Variants in MARVELD2 observed in about 807,000 individuals in gnomAD.
MARVELD2 encodes the protein MARVEL domain containing 2, also known as MARVEL domain-containing protein 2.
Under a neutral mutation model 57.6 loss-of-function variants are expected in MARVELD2, and 49 were observed. That is an observed-to-expected ratio of 0.85 (90% CI 0.68 to 1.08). The LOEUF (loss-of-function observed/expected upper bound fraction) is 1.08, where lower values mean the gene tolerates loss of function less well. Ranked by LOEUF, MARVELD2 falls within the 50% of genes least tolerant of loss-of-function variation. MARVELD2 has a pLI of 0.00. For missense variants in MARVELD2, 606 were observed against 701.1 expected (o/e 0.86, Z 1.53); for synonymous variants, 238 against 258.8 (o/e 0.92, Z 0.77).
intron 3 of MARVELD2, among the ~76,000 whole-genome samples, chr5:69,426,844 T>C (rs1462477613): frequency 6.6e-6 from 1 of 151,934 alleles, no homozygotes; most frequent in Non-Finnish European, 1.5e-5. Context: ...AATTTTTAAA[T>C]AATTTTTAGT....
intron 5 of MARVELD2, among the ~76,000 whole-genome samples, chr5:69,435,413 C>T (rs1767102361): frequency 1.3e-5 from 2 of 151,984 alleles, no homozygotes; most frequent in South Asian, 4.1e-4. Context: ...CAGAGTTTTG[C>T]AATCAGCACC....
chr5:69,419,259 A>T, intron 1 of MARVELD2, 112 bp from the exon 2 acceptor site: 1 of 1,052,974 alleles, frequency 9.5e-7, no homozygotes, highest in Non-Finnish European at 1.4e-6. Flanking sequence ...CATAATAATT[A>T]GACATGATCC....
At chr5:69,424,566 C>CTA (rs1398038101) in intron 2 of MARVELD2, 35 bp from the exon 3 acceptor site, 1 of 1,576,180 alleles carries the variant, frequency 6.3e-7, no homozygotes, top group South Asian at 1.1e-5. Context: ...GCTTCACATG[C>CTA]CTTTGAAAAA....
At position 69,444,000 on chromosome 5, in the gene MARVELD2, C is replaced by A. The variant is rs1157464696; in HGVS notation, c.*2346C>A. On this transcript the variant is annotated 3_prime_UTR_variant, in exon 7 of 7. Transcript: ENST00000325631. Reference sequence around the variant, plus strand: ...GTTAACATTTCACTTAAGAAGAGCACCAGTGCTTTAAAAAAAAAAAAAGGT... The same window carrying A: ...GTTAACATTTCACTTAAGAAGAGCAACAGTGCTTTAAAAAAAAAAAAAGGT... 4.1e-4 allele frequency: 3 copies of A among 7,254 alleles called. No homozygotes were observed. The Non-Finnish European group carries it at 8.8e-3, about 21-fold the overall frequency. 0.4% of individuals were successfully genotyped at this position (7,254 alleles called of 1,614,324 possible).
chr5:69,438,586 C>T (rs1044712747), intron 5 of MARVELD2, among the ~76,000 whole-genome samples: 10 of 151,714 alleles, frequency 6.6e-5, no homozygotes, highest in African/African-American at 1.9e-4. Context: ...CATCTACACA[C>T]AAAAAAGTAA....
At chr5:69,427,513 C>G (rs550909709) in intron 3 of MARVELD2, among the ~76,000 whole-genome samples, 3 of 151,698 alleles carry the variant, frequency 2.0e-5, no homozygotes, top group Admixed American at 2.0e-4. Context: ...CTGGTTCAAG[C>G]AATTGTCCTG....
chr5:69,438,529 C>T (rs1368774439), intron 5 of MARVELD2, among the ~76,000 whole-genome samples: 1 of 152,058 alleles, frequency 6.6e-6, no homozygotes, highest in East Asian at 1.9e-4. Flanking sequence ...AGGAAGAGTG[C>T]TCAAAGCCAG....
rs1314440802 is a variant in MARVELD2, at chr5:69,419,378, A to ACATG, written c.-8_-7insCATG. 6.2e-7 allele frequency: 1 copy of ACATG among 1,614,050 alleles called. No individual in the cohort carries two copies. Among genetic ancestry groups the ACATG allele is most frequent in the Non-Finnish European group, 8.5e-7 (1 of 1,180,034 alleles). ...CTTTAAATTTGGCCACAGGTGTGAA[A>ACATG]ATCACAAATGTCAAATGATGGAAGA... On this transcript the variant is annotated 5_prime_UTR_variant, in exon 2 of 7. The change creates a new upstream start codon in the 5' untranslated region. Coordinates refer to ENST00000325631, the MANE Select transcript of MARVELD2 (RefSeq NM_001038603.3).
At chr5:69,437,906 C>T (rs1056111029) in intron 5 of MARVELD2, among the ~76,000 whole-genome samples, 3 of 152,184 alleles carry the variant, frequency 2.0e-5, no homozygotes, top group African/African-American at 7.2e-5. Context: ...TGATTTTTAA[C>T]AAGACAGGGC....
intron 5 of MARVELD2, among the ~76,000 whole-genome samples, chr5:69,439,568 A>G (rs1434497231): frequency 1.3e-5 from 2 of 151,638 alleles, no homozygotes; most frequent in East Asian, 3.9e-4. Context: ...AGCCTGGGAA[A>G]CATGGCAAAA....
Position 69,420,446 on chromosome 5 carries a change from T to A in MARVELD2, c.1061T>A (p.Val354Asp). Residue 354 changes from valine (V) to aspartate (D), a missense_variant, in exon 2 of 7, where the codon GTT becomes GAT. Val to Asp is a radical substitution (Grantham distance 152). Transcript: ENST00000325631. ...ATCTTCCTGTTTGTCACCATGATAG[T>A]TTATCTCATTAGTGCTTTGGTTTGC... ...AMIFLFVTMI[V>D]YLISALVCLK... 6.2e-7 allele frequency: 1 copy of A among 1,613,802 alleles called. No homozygotes were observed. The highest frequency in any genetic ancestry group is 8.5e-7 in the Non-Finnish European group (1 of 1,180,020).
Position 69,420,549 on chromosome 5 carries a change from C to G in MARVELD2, c.1146+18C>G. On this transcript the variant is annotated intron_variant, in intron 2 of 6. Coordinates refer to ENST00000325631, the MANE Select transcript of MARVELD2 (RefSeq NM_001038603.3). ...AACAGGAGGTAAGTGATTTCATAAT[C>G]CCTCATTTGTGTGTGTATGTTTGTT... 1 of 1,602,592 alleles carries G rather than the reference C, an allele frequency of 6.2e-7. No individual in the cohort carries two copies. The highest frequency in any genetic ancestry group is 8.5e-7 in the Non-Finnish European group (1 of 1,176,712).
At chr5:69,438,497 C>T (rs1767225545) in intron 5 of MARVELD2, among the ~76,000 whole-genome samples, 1 of 152,026 alleles carries the variant, frequency 6.6e-6, no homozygotes, top group Non-Finnish European at 1.5e-5. Flanking sequence ...GGCTGTAATC[C>T]CCACACTTTG....
chr5:69,419,023 G>A (rs528229414), intron 1 of MARVELD2: 3 of 261,034 alleles, frequency 1.1e-5, no homozygotes, highest in Non-Finnish European at 2.2e-5. Context: ...TGCCTCCCGG[G>A]TTCAAGCGGT....
chr5:69,431,690 C>A (rs1338304445), intron 3 of MARVELD2, among the ~76,000 whole-genome samples: 1 of 152,038 alleles, frequency 6.6e-6, no homozygotes, highest in Non-Finnish European at 1.5e-5. Context: ...TTACCATATC[C>A]CAAATGTGAT....
At chr5:69,429,974 C>T (rs983003503) in intron 3 of MARVELD2, among the ~76,000 whole-genome samples, 10 of 151,930 alleles carry the variant, frequency 6.6e-5, no homozygotes, top group African/African-American at 2.4e-4. Context: ...GGCATGATCA[C>T]GATTCACTAC....
chr5:69,441,781 C>T lies in MARVELD2; in HGVS notation c.*127C>T. On this transcript the variant is annotated 3_prime_UTR_variant, in exon 7 of 7. Coordinates refer to ENST00000325631, the MANE Select transcript of MARVELD2 (RefSeq NM_001038603.3). ...CACTGCAACCTCCACCTCCCGGGTTCAAGCAATTCTCCTGTTCAAGCAATT... is the reference window on the plus strand; with the variant it reads ...CACTGCAACCTCCACCTCCCGGGTTTAAGCAATTCTCCTGTTCAAGCAATT... The T allele has an allele frequency of 1.5e-6, 1 of 646,830 alleles. No individual in the cohort carries two copies. The highest frequency in any genetic ancestry group is 2.7e-6 in the Non-Finnish European group (1 of 375,484). 40.1% of individuals were successfully genotyped at this position (646,830 alleles called of 1,614,324 possible).
intron 3 of MARVELD2, among the ~76,000 whole-genome samples, chr5:69,426,793 C>T (rs1168186561): frequency 5.3e-5 from 8 of 152,170 alleles, no homozygotes; most frequent in Non-Finnish European, 1.0e-4. Context: ...CCTTAACCTC[C>T]CAAGTAGCTG....
At chr5:69,421,354 A>G (rs546476247) in intron 2 of MARVELD2, among the ~76,000 whole-genome samples, 3 of 152,326 alleles carry the variant, frequency 2.0e-5, no homozygotes, top group African/African-American at 7.2e-5. Context: ...GGATATGTGT[A>G]TAGTAGACTC....
Sources: allele counts gnomAD v4.1 joint callset (sites outside exome capture counted in the v4.1 genomes callset), GRCh38; gene constraint gnomAD v4.1.1; transcripts MANE v1.5; gene names NCBI Gene and HGNC (gene_info 2026-07-23, HGNC 2026-07-21).